Variants in WBP4 observed in about 807,000 individuals in gnomAD.
WBP4 encodes WW domain binding protein 4.
Under a neutral mutation model 55.4 loss-of-function variants are expected in WBP4, and 37 were observed. The ratio of observed to expected loss-of-function variants is 0.67; its 90% confidence interval spans 0.51 to 0.88. WBP4 has a LOEUF of 0.88. Among genes scored for constraint, WBP4 ranks in the 40% least tolerant of loss-of-function variants. The probability of loss-of-function intolerance (pLI) is 0.00; values close to 1 mark genes in which losing one functional copy is unlikely to be tolerated. For synonymous variants in WBP4, 142 were observed against 140.2 expected (o/e 1.01, Z -0.09); for missense variants, 398 against 420.8 (o/e 0.95, Z 0.47).
In WBP4 at chr13:41,080,626, T is replaced by C; in HGVS notation, c.757-20T>C. 2.6e-6 allele frequency: 4 copies of C among 1,567,170 alleles called. No homozygotes were observed. Among genetic ancestry groups the C allele is most frequent in the Non-Finnish European group, 3.4e-6 (4 of 1,164,310 alleles). On this transcript the variant is annotated intron_variant, in intron 8 of 9. Transcript: ENST00000379487. ...GTAGTTTTGCTTGAACTGTATTATT[T>C]CTTGGCTTTTACATTTCAGGAAAAA...
At chr13:41,070,864 A>G (rs901894658) in intron 5 of WBP4, among the ~76,000 whole-genome samples, 6 of 152,196 alleles carry the variant, frequency 3.9e-5, no homozygotes, top group South Asian at 2.1e-4. Flanking sequence ...TGGGCTAACA[A>G]TCTTACTGTA....
chr13:41,081,112 G>A (rs1020864037), intron 9 of WBP4, among the ~76,000 whole-genome samples: 2 of 152,052 alleles, frequency 1.3e-5, no homozygotes, highest in Admixed American at 6.6e-5. Flanking sequence ...CAGGAGAATC[G>A]CTTGAACCCA....
chr13:41,068,796 T>C, intron 5 of WBP4, 59 bp downstream of exon 5: 1 of 1,409,716 alleles, frequency 7.1e-7, no homozygotes, highest in Non-Finnish European at 9.3e-7. Context: ...ATAGAACAAT[T>C]TATTTTATGT....
At chr13:41,071,114 T>C (rs1320014360) in intron 5 of WBP4, among the ~76,000 whole-genome samples, 1 of 152,230 alleles carries the variant, frequency 6.6e-6, no homozygotes, top group Non-Finnish European at 1.5e-5. Context: ...TTATATACTC[T>C]TCCTCTCCAT....
chr13:41,083,183 G>T lies in WBP4; in HGVS notation c.*269G>T. 3.3e-6 allele frequency: 1 copy of T among 302,500 alleles called. No homozygotes were observed. Among genetic ancestry groups the T allele is most frequent in the South Asian group, 5.5e-5 (1 of 18,048 alleles). 18.7% of individuals were successfully genotyped at this position (302,500 alleles called of 1,614,324 possible). ...TCATAATTTAAGATGCTATGTATCT[G>T]TTATTTAAAACATGGAGAAACAGGG... On this transcript the variant is annotated 3_prime_UTR_variant, in exon 10 of 10. Transcript: ENST00000379487.
At chr13:41,064,199 A>T (rs982739810) in intron 2 of WBP4, among the ~76,000 whole-genome samples, 1 of 152,164 alleles carries the variant, frequency 6.6e-6, no homozygotes, top group Non-Finnish European at 1.5e-5. Context: ...AAAATTTAAC[A>T]GTATGTAACT....
intron 9 of WBP4, among the ~76,000 whole-genome samples, chr13:41,082,077 A>T (rs759121537): frequency 7.2e-5 from 11 of 152,058 alleles, no homozygotes; most frequent in Middle Eastern, 3.2e-3. Flanking sequence ...CACTCAACTG[A>T]TTATTTATAA....
intron 8 of WBP4, 32 bp downstream of exon 8, chr13:41,076,269 ATTTTTTTTTTTTTT>A (rs35695477): frequency 1.5e-5 from 10 of 678,810 alleles, no homozygotes; most frequent in South Asian, 6.5e-5. Context: ...TTCACATCAA[ATTTTTTTTTTTTTT>A]TTTTTTTTTT....
intron 9 of WBP4, among the ~76,000 whole-genome samples, chr13:41,081,972 T>A (rs1878799699): frequency 6.6e-6 from 1 of 152,322 alleles, no homozygotes; most frequent in Middle Eastern, 3.4e-3. Context: ...CTGATGGGTG[T>A]GATGTGACTA....
intron 7 of WBP4, among the ~76,000 whole-genome samples, chr13:41,073,665 G>A (rs546065625): frequency 1.1e-4 from 16 of 152,036 alleles, no homozygotes; most frequent in South Asian, 1.0e-3. Context: ...AAAATTACCC[G>A]GGCGTGGTGG....
In WBP4 at chr13:41,079,313, G is replaced by A. The variant is rs1056326099; in HGVS notation, c.757-1333G>A. ...TGGCTGGATGCAGTGGCTCACACCTGTAATCCCAACACTTTGGGAGGCTGA... is the reference window on the plus strand; with the variant it reads ...TGGCTGGATGCAGTGGCTCACACCTATAATCCCAACACTTTGGGAGGCTGA... On this transcript the variant is annotated intron_variant, in intron 8 of 9. Coordinates refer to ENST00000379487, the MANE Select transcript of WBP4 (RefSeq NM_007187.5). Among the ~76,000 whole-genome samples, 19 of 152,154 alleles carry A rather than the reference G, an allele frequency of 1.2e-4. 1 individual carries two copies. The highest frequency in any genetic ancestry group is 2.9e-5 in the Non-Finnish European group (2 of 68,032).
intron 9 of WBP4, among the ~76,000 whole-genome samples, chr13:41,082,404 G>C (rs528103668): frequency 2.6e-5 from 4 of 151,942 alleles, no homozygotes; most frequent in Non-Finnish European, 5.9e-5. Context: ...TTGAGCCACC[G>C]CACCCAACCC....
chr13:41,080,175 T>C (rs1878705617), intron 8 of WBP4, among the ~76,000 whole-genome samples: 1 of 152,152 alleles, frequency 6.6e-6, no homozygotes, highest in Admixed American at 6.5e-5. Context: ...TATATACATG[T>C]AAGAAATACG....
At chr13:41,079,941 C>G (rs1464687546) in intron 8 of WBP4, among the ~76,000 whole-genome samples, 1 of 152,034 alleles carries the variant, frequency 6.6e-6, no homozygotes, top group African/African-American at 2.4e-5. Flanking sequence ...GAACTGGAGG[C>G]CATTAACCTA....
Position 41,068,609 on chromosome 13 carries a change from C to T in WBP4, c.311C>T (p.Thr104Ile). 2 of 1,613,134 alleles carry T rather than the reference C, an allele frequency of 1.2e-6. No individual in the cohort carries two copies. Among genetic ancestry groups the T allele is most frequent in the African/African-American group, 1.3e-5 (1 of 74,832 alleles). Reference sequence around the variant, plus strand: ...CCAGTAACCAGCACTATCCCACCTACCTCGACATCAAATCAACAGAAAGAA... The same window carrying T: ...CCAGTAACCAGCACTATCCCACCTATCTCGACATCAAATCAACAGAAAGAA... Reference protein sequence around the residue: ...ITPVTSTIPPTSTSNQQKEKK... With the variant: ...ITPVTSTIPPISTSNQQKEKK... Residue 104 changes from threonine (T) to isoleucine (I), a missense_variant, in exon 5 of 10, where the codon ACC becomes ATC. Coordinates refer to ENST00000379487, the MANE Select transcript of WBP4 (RefSeq NM_007187.5).
chr13:41,062,884 C>T (rs1044451870), intron 2 of WBP4, among the ~76,000 whole-genome samples, 168 bp downstream of exon 2: 1 of 152,122 alleles, frequency 6.6e-6, no homozygotes, highest in South Asian at 2.1e-4. Context: ...TGTGAGCCTT[C>T]TTCCTTTTCA....
Position 41,065,303 on chromosome 13 carries a change from A to G in WBP4, c.262+16A>G, listed in dbSNP as rs1185314997. 3 of 1,564,406 alleles carry G rather than the reference A, an allele frequency of 1.9e-6. No homozygotes were observed. Among genetic ancestry groups the G allele is most frequent in the Admixed American group, 2.2e-5 (1 of 45,628 alleles). ...TTAGAGTCAGGTAAAAAAAAAAAAA[A>G]AAAAAAAGCAGCCAGCATGTTTTAA... On this transcript the variant is annotated intron_variant, in intron 4 of 9. Transcript: ENST00000379487.
chr13:41,066,416 A>T (rs1383245201), intron 4 of WBP4, among the ~76,000 whole-genome samples: 1 of 152,156 alleles, frequency 6.6e-6, no homozygotes, highest in Non-Finnish European at 1.5e-5. Flanking sequence ...TCTTCTTTAG[A>T]TCTTTTTTTA....
At chr13:41,072,981 A>G (rs972977032) in intron 7 of WBP4, 124 bp downstream of exon 7, 29 of 679,848 alleles carry the variant, frequency 4.3e-5, no homozygotes, top group South Asian at 1.8e-4. Flanking sequence ...TGTAGTAAAC[A>G]TGAATTATTT....
Sources: allele counts gnomAD v4.1 joint callset (sites outside exome capture counted in the v4.1 genomes callset), GRCh38; gene constraint gnomAD v4.1.1; transcripts MANE v1.5; gene names NCBI Gene and HGNC (gene_info 2026-07-23, HGNC 2026-07-21).